Variants in TET3 observed in about 807,000 individuals in gnomAD.
The protein encoded by TET3 is methylcytosine dioxygenase TET3.
A neutral mutation model predicts 141.4 loss-of-function variants in TET3; 19 were observed. The ratio of observed to expected loss-of-function variants is 0.13; its 90% CI spans 0.09 to 0.20. The LOEUF (loss-of-function observed/expected upper bound fraction) is 0.20. Ranked by LOEUF, TET3 falls within the 10% of genes least tolerant of loss-of-function variation. The pLI is 1.00. For missense variants in TET3, 1,874 were observed against 2,356.9 expected (o/e 0.80, Z 4.24); for synonymous variants, 1,043 against 980.9 (o/e 1.06, Z -1.18).
chr2:73,986,446 C>T lies in TET3; in HGVS notation c.43C>T (p.Pro15Ser). The T allele has an allele frequency of 7.3e-6, 9 of 1,232,266 alleles. No individual in the cohort carries two copies. Among genetic ancestry groups the T allele is most frequent in the Non-Finnish European group, 9.1e-6 (9 of 988,102 alleles). 76.3% of individuals were successfully genotyped at this position (1,232,266 alleles called of 1,614,324 possible). A position where few individuals can be genotyped will look rare whatever the true frequency, so the allele number is the denominator to read the frequency against. The part of the protein sequence containing the change: ...QVPLAVQPDL[P>S]GLYDFPQRQV... ...GCCCCTGGCCGTCCAGCCGGACCTG[C>T]CAGGCCTTTATGACTTCCCTCAGCG... Residue 15 changes from proline (P) to serine (S), a missense_variant, in exon 2 of 12, where the codon CCA (proline) becomes TCA (serine). Physicochemically the swap from Pro to Ser is moderately conservative, Grantham distance 74. This residue lies in a region of TET3 where 366 missense variants were observed against 487.0 expected (regional missense o/e 0.75). Transcript: ENST00000409262.
In TET3 at chr2:74,087,291, G is replaced by GATCT. The variant is rs1343826207; in HGVS notation, c.2680-538_2680-535dup. Among the ~76,000 whole-genome samples, 1 of 152,154 alleles carries GATCT rather than the reference G, an allele frequency of 6.6e-6. No individual in the cohort carries two copies. The highest frequency in any genetic ancestry group is 2.4e-5 in the African/African-American group (1 of 41,422). On this transcript the variant is annotated intron_variant, in intron 6 of 11. Transcript: ENST00000409262. This position sits in a 1 kb window ranked among gnomAD's most constrained non-coding sequence, Gnocchi z 4.3. ...GCTGCAGTGAACGTGGGTATTCAGGGATCTGCCTGAGTCCTGCTCTCAGTC... is the reference window on the plus strand; with the variant it reads ...GCTGCAGTGAACGTGGGTATTCAGGGATCTATCTGCCTGAGTCCTGCTCTCAGTC...
chr2:74,123,925 C>A, the TET3 span, among the ~76,000 whole-genome samples: 2 of 148,296 alleles, frequency 1.3e-5, no homozygotes, highest in Non-Finnish European at 3.0e-5. Flanking sequence ...CGTCTGGGAA[C>A]TGAGGAGCGT....
the TET3 span, chr2:74,121,450 T>A: frequency 2.0e-5 from 3 of 152,210 alleles, no homozygotes; most frequent in Admixed American, 2.0e-4. Context: ...ATGTCACAGC[T>A]GGTAATAAAA....
At position 74,032,842 on chromosome 2, in the gene TET3, T is replaced by C. The variant is rs1419427856; in HGVS notation, c.361-13436T>C. 2.6e-5 allele frequency among the ~76,000 whole-genome samples: 4 copies of C among 151,930 alleles called. No individual in the cohort carries two copies. In the East Asian group the frequency reaches 7.7e-4, roughly 29 times the overall value. On this transcript the variant is annotated intron_variant, in intron 3 of 11. Coordinates refer to ENST00000409262, the MANE Select transcript of TET3 (RefSeq NM_001287491.2). ...GCCCAGGCGATAACTTTGCATAGGTTAGAGTTGCAGGGCTATATTTTGGAG... is the reference window on the plus strand; with the variant it reads ...GCCCAGGCGATAACTTTGCATAGGTCAGAGTTGCAGGGCTATATTTTGGAG...
chr2:74,075,392 G>A (rs963456565), intron 5 of TET3, among the ~76,000 whole-genome samples: 120 of 139,652 alleles, frequency 8.6e-4, no homozygotes, highest in African/African-American at 3.1e-3. Flanking sequence ...GCAGTGGTGT[G>A]GTCTTGGCTC....
chr2:74,045,319 A>C (rs746594617), intron 3 of TET3, among the ~76,000 whole-genome samples: 1 of 152,214 alleles, frequency 6.6e-6, no homozygotes, highest in Admixed American at 6.5e-5. Context: ...GAGACCGTGT[A>C]TACATCCTGT....
downstream of TET3, among the ~76,000 whole-genome samples, chr2:74,109,324 C>T (rs896604165): frequency 2.0e-5 from 3 of 152,162 alleles, no homozygotes; most frequent in African/African-American, 7.2e-5. Context: ...CACGAGAGAA[C>T]CGCATATTGG....
At chr2:74,098,570 A>G (rs75869938) in intron 10 of TET3, among the ~76,000 whole-genome samples, 14 of 151,292 alleles carry the variant, frequency 9.3e-5, no homozygotes, top group Non-Finnish European at 1.8e-4. Flanking sequence ...TAATCAGCAC[A>G]TAGAGTTTAT....
chr2:74,059,862 G>T (rs367993788), intron 4 of TET3, among the ~76,000 whole-genome samples: 2 of 152,206 alleles, frequency 1.3e-5, no homozygotes, highest in South Asian at 2.1e-4. Context: ...TATCTGCCCC[G>T]TCGTTCATTC....
At chr2:74,127,441 A>G in the TET3 span, among the ~76,000 whole-genome samples, 1 of 152,206 alleles carries the variant, frequency 6.6e-6, no homozygotes. Context: ...CCTGGAAACC[A>G]TGGGGATTGG....
rs529767079 is a variant in TET3 at position 74,101,569 on chromosome 2, G to A, written c.4781G>A (p.Gly1594Glu). 1 of 1,608,834 alleles carries A rather than the reference G, an allele frequency of 6.2e-7. No homozygotes were observed. The highest frequency in any genetic ancestry group is 1.7e-5 in the Admixed American group (1 of 58,950). ...LPLGSSEKLF[G>E]ALKSEEKLWD... ...CTGGGATCCAGCGAGAAGCTGTTTG[G>A]GGCTCTGAAGTCAGAGGAGAAGCTG... is the stretch of plus-strand genomic sequence containing the variant. Residue 1594 changes from glycine (G) to glutamate (E), a missense_variant, in exon 12 of 12, where the codon GGG (glycine) becomes GAG (glutamate). By Grantham distance (98) the Gly-to-Glu change is moderately conservative. Around this residue, in one of 10 missense-constraint regions of TET3, gnomAD observed 602 missense variants for 590.2 expected, o/e 1.02. Transcript: ENST00000409262. This position sits in a 1 kb window ranked among gnomAD's most constrained non-coding sequence, Gnocchi z 8.5.
chr2:74,033,023 G>A (rs1686838592), intron 3 of TET3, among the ~76,000 whole-genome samples: 2 of 152,092 alleles, frequency 1.3e-5, no homozygotes, highest in Admixed American at 1.3e-4. Context: ...TGTGTGATCT[G>A]CCTCTGTGTT....
chr2:74,038,805 A>G (rs921753435), intron 3 of TET3, among the ~76,000 whole-genome samples: 6 of 152,212 alleles, frequency 3.9e-5, no homozygotes, highest in African/African-American at 1.4e-4. Flanking sequence ...ATACACTCTT[A>G]CGAAAAGATC....
At chr2:74,031,805 G>A (rs1286770221) in intron 3 of TET3, among the ~76,000 whole-genome samples, 1 of 152,138 alleles carries the variant, frequency 6.6e-6, no homozygotes, top group Admixed American at 6.5e-5. Flanking sequence ...TTGAGTGGGG[G>A]CAAACACACA....
At chr2:74,022,670 AC>A (rs1284947879) in intron 3 of TET3, among the ~76,000 whole-genome samples, 1 of 152,200 alleles carries the variant, frequency 6.6e-6, no homozygotes, top group Non-Finnish European at 1.5e-5. Flanking sequence ...TATAGGCCAG[AC>A]CAGTGCTTCT....
At chr2:74,056,605 C>A (rs1435370847) in intron 4 of TET3, among the ~76,000 whole-genome samples, 7 of 152,076 alleles carry the variant, frequency 4.6e-5, no homozygotes, top group Non-Finnish European at 7.4e-5. Context: ...ATAGATCTTT[C>A]TTTAAGAAGA....
intron 4 of TET3, among the ~76,000 whole-genome samples, chr2:74,064,977 C>A (rs746078981): frequency 6.6e-6 from 1 of 152,204 alleles, no homozygotes; most frequent in Non-Finnish European, 1.5e-5. Flanking sequence ...GCCCCAACCT[C>A]CATGTTGTTC....
At chr2:74,018,038 G>A (rs1685828999) in intron 3 of TET3, among the ~76,000 whole-genome samples, 1 of 146,908 alleles carries the variant, frequency 6.8e-6, no homozygotes, top group Non-Finnish European at 1.5e-5. Flanking sequence ...CACAATCTCG[G>A]CTCACTGCAA....
At chr2:74,083,884 CT>C (rs2104019508) in intron 6 of TET3, among the ~76,000 whole-genome samples, 1 of 152,314 alleles carries the variant, frequency 6.6e-6, no homozygotes, top group East Asian at 1.9e-4. Context: ...TGCGTTCCCC[CT>C]GGCCAGGAGC....
Sources: allele counts gnomAD v4.1 joint callset (sites outside exome capture counted in the v4.1 genomes callset), GRCh38; gene constraint gnomAD v4.1.1; regional missense constraint gnomAD v4.1.1; non-coding constraint Gnocchi (gnomAD v3.1); transcripts MANE v1.5; gene names NCBI Gene and HGNC (gene_info 2026-07-23, HGNC 2026-07-21).